Variants in POMK observed in about 807,000 individuals in gnomAD.
POMK encodes Sugen kinase 196.
In POMK, 19 loss-of-function variants were observed where a neutral mutation model predicts 23.0. The ratio of observed to expected loss-of-function variants is 0.83; its 90% CI spans 0.58 to 1.21. The LOEUF is 1.21. Ranked by LOEUF, POMK falls within the 50% of genes most tolerant of loss-of-function variation. The pLI is 0.00. For missense variants in POMK, 410 were observed against 431.3 expected, an observed-to-expected ratio of 0.95 and a Z score of 0.44; for synonymous variants, 173 against 171.6, an observed-to-expected ratio of 1.01 and a Z score of -0.06.
chr8:43,121,885 T>C (rs762241715), intron 4 of POMK, among the ~76,000 whole-genome samples: 31 of 152,262 alleles, frequency 2.0e-4, no homozygotes, highest in Admixed American at 4.6e-4. Context: ...CTTCCTGCCC[T>C]GAGGTTCCAC....
rs771734462 is a variant in POMK, at chr8:43,103,929, T to G, written c.282+99T>G. 7.9e-6 allele frequency: 10 copies of G among 1,262,708 alleles called. No individual in the cohort carries two copies. In the Middle Eastern group the frequency reaches 7.9e-4, roughly 100 times the overall value. 78.2% of individuals were successfully genotyped at this position (1,262,708 alleles called of 1,614,324 possible). A position where few individuals can be genotyped will look rare whatever the true frequency, so the allele number is the denominator to read the frequency against. ...TGCTGGCACGGATTACGGAATTTCA[T>G]CCTTTGTTACTGCCAAAGTGTACTC... On this transcript the variant is annotated intron_variant, in intron 4 of 4. Coordinates refer to ENST00000331373, the MANE Select transcript of POMK (RefSeq NM_032237.5).
chr8:43,107,390 T>TC (rs1228260730), intron 4 of POMK, among the ~76,000 whole-genome samples: 1 of 152,194 alleles, frequency 6.6e-6, no homozygotes, highest in Non-Finnish European at 1.5e-5. Context: ...ACTTTTTTTT[T>TC]CCGAGATGGA....
intron 2 of POMK, among the ~76,000 whole-genome samples, chr8:43,100,919 G>A (rs1397820155): frequency 2.6e-5 from 4 of 152,056 alleles, no homozygotes; most frequent in East Asian, 1.9e-4. Flanking sequence ...GGTTTAAGGC[G>A]TTCTAGAGGC....
In POMK at chr8:43,113,939, G is replaced by A. The variant is rs1019700521; in HGVS notation, c.283-8168G>A. Among the ~76,000 whole-genome samples, 4 of 152,232 alleles carry A rather than the reference G, an allele frequency of 2.6e-5. No individual in the cohort carries two copies. In the South Asian group the frequency reaches 8.3e-4, roughly 32 times the overall value. ...GCAGAACAGCGGATTTTCGTGAACC[G>A]CGAATGCTGCTGTCTGATCGTTCCT... is the stretch of plus-strand genomic sequence containing the variant. On this transcript the variant is annotated intron_variant, in intron 4 of 4. Transcript: ENST00000331373.
Position 43,103,799 on chromosome 8 carries a change from T to A in POMK, c.251T>A (p.Leu84Gln). Reference sequence around the variant, plus strand: ...GAGCTGAGAACAGAAGTGAGACAGCTGAAGCGTGTTGGGGAAGGAGCTGTA... The same window carrying A: ...GAGCTGAGAACAGAAGTGAGACAGCAGAAGCGTGTTGGGGAAGGAGCTGTA... ...CEELRTEVRQLKRVGEGAVKR... is the reference protein window; with the variant it reads ...CEELRTEVRQQKRVGEGAVKR... The change falls in exon 4 of 5, where the codon CTG becomes CAG. Residue 84 changes from leucine (L) to glutamine (Q), a missense_variant. Coordinates refer to ENST00000331373, the MANE Select transcript of POMK (RefSeq NM_032237.5). 1 of 1,614,254 alleles carries A rather than the reference T, an allele frequency of 6.2e-7. No homozygotes were observed. The highest frequency in any genetic ancestry group is 8.5e-7 in the Non-Finnish European group (1 of 1,180,052).
At chr8:43,118,681 C>G (rs2130621780) in intron 4 of POMK, among the ~76,000 whole-genome samples, 2 of 152,238 alleles carry the variant, frequency 1.3e-5, no homozygotes, top group Admixed American at 1.3e-4. Context: ...TGTGTGATCT[C>G]AAAGACTAAT....
chr8:43,122,214 A>T lies in POMK; in HGVS notation c.390A>T (p.Gln130His). ...LHGLQMLKSL[Q>H]GTHVVTLLGY... ...GACTGCAGATGCTGAAATCTCTCCA[A>T]GGCACACATGTTGTCACGCTGCTTG... The change falls in exon 5 of 5, where the codon CAA becomes CAT. Residue 130 changes from glutamine (Q) to histidine (H), a missense_variant. Gln to His is a conservative substitution (Grantham distance 24). Transcript: ENST00000331373. The T allele has an allele frequency of 6.2e-7, 1 of 1,614,204 alleles. No homozygotes were observed.
intron 4 of POMK, among the ~76,000 whole-genome samples, chr8:43,108,505 C>G (rs1811588681): frequency 6.6e-6 from 1 of 152,154 alleles, no homozygotes; most frequent in South Asian, 2.1e-4. Flanking sequence ...GTGTACTTTA[C>G]TCAGTTGCTA....
At chr8:43,121,260 G>C (rs1439848107) in intron 4 of POMK, among the ~76,000 whole-genome samples, 2 of 152,218 alleles carry the variant, frequency 1.3e-5, no homozygotes, top group East Asian at 3.8e-4. Context: ...CCTGAGTCCT[G>C]AGCCTGCTTT....
intron 4 of POMK, among the ~76,000 whole-genome samples, chr8:43,118,328 T>C (rs1446247057): frequency 2.0e-5 from 3 of 152,168 alleles, no homozygotes; most frequent in Non-Finnish European, 2.9e-5. Context: ...ATAACGCCAT[T>C]AGTATAACAG....
At position 43,122,222 on chromosome 8, in the gene POMK, ATGT is replaced by A. The variant is rs1811931752; in HGVS notation, c.402_404del (p.Val135del). ...ATGCTGAAATCTCTCCAAGGCACAC[ATGT>A]TGTCACGCTGCTTGGCTATTGTGAG... On this transcript the variant is annotated inframe_deletion, in exon 5 of 5. Coordinates refer to ENST00000331373, the MANE Select transcript of POMK (RefSeq NM_032237.5). 6.2e-7 allele frequency: 1 copy of A among 1,614,020 alleles called. No individual in the cohort carries two copies. The highest frequency in any genetic ancestry group is 1.3e-5 in the African/African-American group (1 of 74,916).
intron 4 of POMK, among the ~76,000 whole-genome samples, chr8:43,120,081 AC>A (rs1420082309): frequency 6.6e-6 from 1 of 151,990 alleles, no homozygotes; most frequent in East Asian, 1.9e-4. Context: ...CCAGAATCTT[AC>A]CACATAAAGA....
chr8:43,122,851 A>C lies in POMK; in HGVS notation c.1027A>C (p.Met343Leu). ...KVLDTLRDAM[M>L]SQAREML ...CTTGGATACACTTAGAGATGCCATG[A>C]TGTCTCAGGCAAGAGAGATGCTGTG... Residue 343 changes from methionine (M) to leucine (L), a missense_variant, in exon 5 of 5, where the codon ATG becomes CTG. Coordinates refer to ENST00000331373, the MANE Select transcript of POMK (RefSeq NM_032237.5). 3 of 1,612,438 alleles carry C rather than the reference A, an allele frequency of 1.9e-6. No individual in the cohort carries two copies. Among genetic ancestry groups the C allele is most frequent in the Non-Finnish European group, 2.5e-6 (3 of 1,179,668 alleles).
chr8:43,114,012 C>G (rs960234036), intron 4 of POMK, among the ~76,000 whole-genome samples: 1 of 152,250 alleles, frequency 6.6e-6, no homozygotes, highest in East Asian at 1.9e-4. Context: ...AGGTGTCAGT[C>G]TGCCCCTACT....
In POMK at chr8:43,122,836, C is replaced by T; in HGVS notation, c.1012C>T (p.Leu338Phe). The change falls in exon 5 of 5, where the codon CTT becomes TTT. Residue 338 changes from leucine (L) to phenylalanine (F), a missense_variant. By Grantham distance (22) the Leu-to-Phe change is conservative. Transcript: ENST00000331373. ...GACCTACCAGAAGGTCTTGGATACA[C>T]TTAGAGATGCCATGATGTCTCAGGC... ...LETYQKVLDT[L>F]RDAMMSQARE... is the part of the protein sequence containing the mutation. 6.2e-7 allele frequency: 1 copy of T among 1,613,550 alleles called. No homozygotes were observed.
rs377746011 is a variant in POMK at position 43,115,830 on chromosome 8, A to G, written c.283-6277A>G. On this transcript the variant is annotated intron_variant, in intron 4 of 4. Coordinates refer to ENST00000331373, the MANE Select transcript of POMK (RefSeq NM_032237.5). Reference sequence around the variant, plus strand: ...GCAACGACAAGGCCCTGCGAGACTTAACAGCCTCCCTCCAGCTCTCTCCTG... The same window carrying G: ...GCAACGACAAGGCCCTGCGAGACTTGACAGCCTCCCTCCAGCTCTCTCCTG... Among the ~76,000 whole-genome samples, 22 of 152,278 alleles carry G rather than the reference A, an allele frequency of 1.4e-4. No homozygotes were observed. The East Asian group carries it at 2.1e-3, about 15-fold the overall frequency.
At chr8:43,106,929 G>T (rs1811555809) in intron 4 of POMK, among the ~76,000 whole-genome samples, 1 of 152,108 alleles carries the variant, frequency 6.6e-6, no homozygotes, top group South Asian at 2.1e-4. Flanking sequence ...GCTGACAGGG[G>T]GCATAGTTGG....
intron 4 of POMK, among the ~76,000 whole-genome samples, chr8:43,110,574 C>T (rs1811630787): frequency 6.6e-6 from 1 of 152,184 alleles, no homozygotes; most frequent in Non-Finnish European, 1.5e-5. Flanking sequence ...TCTTTTTAAA[C>T]AGTCATTTTA....
At chr8:43,104,183 C>T (rs1290142822) in intron 4 of POMK, among the ~76,000 whole-genome samples, 2 of 151,842 alleles carry the variant, frequency 1.3e-5, no homozygotes, top group Non-Finnish European at 2.9e-5. Context: ...AGTGCAATGG[C>T]GCCATCTCGG....
Sources: allele counts gnomAD v4.1 joint callset (sites outside exome capture counted in the v4.1 genomes callset), GRCh38; gene constraint gnomAD v4.1.1; transcripts MANE v1.5; gene names NCBI Gene and HGNC (gene_info 2026-07-23, HGNC 2026-07-21).